The following CUBN variants were observed in gnomAD, a reference collection of about 807,000 sequenced individuals.
CUBN encodes the protein 460 kDa receptor.
In CUBN, 282 loss-of-function variants were observed where a neutral mutation model predicts 405.3. The observed-to-expected ratio is 0.70, with a 90% confidence interval of 0.63 to 0.77. CUBN has a LOEUF of 0.77. CUBN is among the 30% of genes least tolerant of loss of function. The probability of loss-of-function intolerance (pLI) is 0.00; values close to 1 mark genes in which losing one functional copy is unlikely to be tolerated. For synonymous variants in CUBN, 1,684 were observed against 1,617.0 expected (o/e 1.04, Z -0.99); for missense variants, 4,514 against 4,475.2 (o/e 1.01, Z -0.25).
At chr10:17,038,585 A>G (rs962631075) in intron 27 of CUBN, among the ~76,000 whole-genome samples, 1 of 152,226 alleles carries the variant, frequency 6.6e-6, no homozygotes, top group African/African-American at 2.4e-5. Flanking sequence ...CAGAATAACT[A>G]AATTCTGGCT....
chr10:17,021,289 T>G (rs1834494084), intron 27 of CUBN, among the ~76,000 whole-genome samples: 1 of 152,176 alleles, frequency 6.6e-6, no homozygotes, highest in Admixed American at 6.5e-5. Flanking sequence ...GCTGTATATC[T>G]CCAAACTGAA....
At chr10:16,994,982 T>C (rs1833692595) in intron 28 of CUBN, among the ~76,000 whole-genome samples, 1 of 152,084 alleles carries the variant, frequency 6.6e-6, no homozygotes, top group South Asian at 2.1e-4. Context: ...TCTCAACTAT[T>C]CAGGAGACTG....
Position 17,084,456 on chromosome 10 carries a change from G to A in CUBN, c.2116C>T (p.Leu706=), listed in dbSNP as rs768591875. Reference sequence around the variant, plus strand: ...TCCGTGTAGTTCCCACCACAACGCAGATCCGCTAAGAACAGGGAAGAGACG... The same window carrying A: ...TCCGTGTAGTTCCCACCACAACGCAAATCCGCTAAGAACAGGGAAGAGACG... The part of the protein sequence containing the change: ...HITYLTSPSD[L]RCGGNYTDPE... The change falls in exon 17 of 67, where the codon CTG becomes TTG. Residue 706 remains leucine (L), a synonymous_variant. Transcript: ENST00000377833. 1.9e-6 allele frequency: 3 copies of A among 1,612,854 alleles called. No individual in the cohort carries two copies. The African/African-American group carries it at 4.0e-5, about 22-fold the overall frequency.
At chr10:16,995,504 T>C (rs553660850) in intron 28 of CUBN, among the ~76,000 whole-genome samples, 26 of 152,306 alleles carry the variant, frequency 1.7e-4, no homozygotes, top group African/African-American at 6.0e-4. Context: ...ATTTTTTTTT[T>C]ACTCTTTTCT....
intron 27 of CUBN, among the ~76,000 whole-genome samples, chr10:17,030,919 AAAAATAAAAT>A (rs1195847807): frequency 6.6e-6 from 1 of 152,116 alleles, no homozygotes; most frequent in Non-Finnish European, 1.5e-5. Context: ...ACTCTGTCTC[AAAAATAAAAT>A]AAAATAAAAT....
chr10:16,933,972 G>T (rs1842429326), intron 39 of CUBN, among the ~76,000 whole-genome samples: 1 of 152,194 alleles, frequency 6.6e-6, no homozygotes, highest in African/African-American at 2.4e-5. Context: ...CCCAGGTCCT[G>T]TGAAGACAAG....
At chr10:17,110,524 A>G (rs1210893370) in intron 9 of CUBN, among the ~76,000 whole-genome samples, 1 of 152,088 alleles carries the variant, frequency 6.6e-6, no homozygotes, top group East Asian at 1.9e-4. Context: ...GACAGAAATA[A>G]TATTTTATTT....
chr10:17,023,625 G>A (rs754889868), intron 27 of CUBN: 2 of 455,946 alleles, frequency 4.4e-6, no homozygotes, highest in Middle Eastern at 3.3e-4. Flanking sequence ...GGACGTTCCA[G>A]CTGTGACTCA....
intron 59 of CUBN, among the ~76,000 whole-genome samples, chr10:16,861,026 A>G (rs1376060187): frequency 6.6e-6 from 1 of 151,850 alleles, no homozygotes; most frequent in African/African-American, 2.4e-5. Flanking sequence ...CTCCTCTCTC[A>G]GCACCTATTG....
chr10:16,829,241 C>T (rs2131300419), intron 65 of CUBN, among the ~76,000 whole-genome samples: 1 of 152,012 alleles, frequency 6.6e-6, no homozygotes, highest in South Asian at 2.1e-4. Flanking sequence ...CCACCTCCAC[C>T]TCTTCCATCC....
intron 51 of CUBN, 146 bp from the exon 52 acceptor site, chr10:16,901,605 G>T: frequency 2.7e-6 from 3 of 1,122,514 alleles, no homozygotes; most frequent in Non-Finnish European, 3.9e-6. Context: ...AGTAATACCA[G>T]CACTTTGGGA....
intron 10 of CUBN, among the ~76,000 whole-genome samples, chr10:17,106,428 C>A (rs1483245402): frequency 6.6e-6 from 1 of 151,730 alleles, no homozygotes; most frequent in Admixed American, 6.6e-5. Flanking sequence ...ATGGTTAAGC[C>A]CTGTCTCTAC....
At chr10:16,965,883 T>G (rs1416382398) in intron 31 of CUBN, 1 of 447,178 alleles carries the variant, frequency 2.2e-6, no homozygotes, top group African/African-American at 2.0e-5. Flanking sequence ...AACTGAGCTC[T>G]GAAAACATAC....
chr10:17,035,725 A>C (rs974041502), intron 27 of CUBN, among the ~76,000 whole-genome samples: 2 of 152,188 alleles, frequency 1.3e-5, no homozygotes, highest in African/African-American at 4.8e-5. Flanking sequence ...TCAGCAAACT[A>C]ATGCAGGAAA....
chr10:17,044,329 T>C (rs1007001543), intron 25 of CUBN, among the ~76,000 whole-genome samples: 27 of 148,634 alleles, frequency 1.8e-4, no homozygotes, highest in Admixed American at 1.2e-3. Context: ...TTTTTTGTTA[T>C]ATATATGACA....
intron 17 of CUBN, among the ~76,000 whole-genome samples, chr10:17,077,850 CT>C (rs987667753): frequency 1.3e-5 from 2 of 152,118 alleles, no homozygotes; most frequent in Non-Finnish European, 2.9e-5. Context: ...ATCCTTTGTT[CT>C]TTATTAGTAT....
chr10:17,063,517 T>C (rs1331412541), intron 22 of CUBN, among the ~76,000 whole-genome samples: 2 of 152,222 alleles, frequency 1.3e-5, no homozygotes, highest in Non-Finnish European at 2.9e-5. Flanking sequence ...CTTTATAGTT[T>C]CCTTTCCTGT....
At chr10:16,981,020 G>T (rs943217663) in intron 31 of CUBN, among the ~76,000 whole-genome samples, 1 of 152,034 alleles carries the variant, frequency 6.6e-6, no homozygotes, top group African/African-American at 2.4e-5. Flanking sequence ...GAAAATGCTT[G>T]GTAGAAGAGG....
chr10:16,979,280 T>C (rs537116986), intron 31 of CUBN, among the ~76,000 whole-genome samples: 1 of 152,278 alleles, frequency 6.6e-6, no homozygotes, highest in African/African-American at 2.4e-5. Context: ...AAGTAATTTA[T>C]AGATTCAATG....
Sources: gnomAD v4.1 joint callset for allele counts (sites outside exome capture counted in the v4.1 genomes callset) on GRCh38, gnomAD v4.1.1 for gene constraint, MANE v1.5 for transcripts, NCBI Gene and HGNC (gene_info 2026-07-23, HGNC 2026-07-21) for gene names.